The following LRRC36 variants were observed in gnomAD, a reference collection of about 807,000 sequenced individuals.
LRRC36 encodes leucine-rich repeat-containing protein 36.
LRRC36 carries 62 observed loss-of-function variants against 81.1 expected under a neutral mutation model. The observed-to-expected ratio is 0.76, with a 90% CI of 0.62 to 0.94. The LOEUF (loss-of-function observed/expected upper bound fraction) is 0.94. LRRC36 is among the 40% of genes least tolerant of loss of function. The pLI is 0.00. For synonymous variants in LRRC36, 334 were observed against 348.6 expected, an observed-to-expected ratio of 0.96 and a Z score of 0.47; for missense variants, 761 against 881.7, an observed-to-expected ratio of 0.86 and a Z score of 1.73.
chr16:67,334,746 A>G (rs2037676775), intron 1 of LRRC36, among the ~76,000 whole-genome samples: 1 of 152,064 alleles, frequency 6.6e-6, no homozygotes, highest in South Asian at 2.1e-4. Context: ...CACCCCCGAT[A>G]TTTCACGTAG....
intron 5 of LRRC36, among the ~76,000 whole-genome samples, chr16:67,362,478 T>C (rs2039199180): frequency 6.6e-6 from 1 of 152,056 alleles, no homozygotes; most frequent in Non-Finnish European, 1.5e-5. Flanking sequence ...TGAATATATA[T>C]ACAGAGCCTA....
At chr16:67,362,153 G>A (rs561274647) in intron 5 of LRRC36, 12 of 450,844 alleles carry the variant, frequency 2.7e-5, no homozygotes, top group African/African-American at 4.0e-5. Context: ...GTTCTAATAC[G>A]TTTTGTTTTG....
At chr16:67,346,723 G>A (rs1168444208) in intron 3 of LRRC36, among the ~76,000 whole-genome samples, 1 of 152,138 alleles carries the variant, frequency 6.6e-6, no homozygotes, top group Non-Finnish European at 1.5e-5. Flanking sequence ...TTTCCAGGTT[G>A]AGAATTATTT....
intron 1 of LRRC36, among the ~76,000 whole-genome samples, chr16:67,335,734 C>CTT (rs912010681): frequency 6.4e-5 from 9 of 141,472 alleles, no homozygotes; most frequent in Non-Finnish European, 1.1e-4. Flanking sequence ...AACCACTGAT[C>CTT]TTTTTTTTTT....
intron 5 of LRRC36, among the ~76,000 whole-genome samples, chr16:67,356,416 A>T (rs2038905194): frequency 6.6e-6 from 1 of 152,220 alleles, no homozygotes; most frequent in South Asian, 2.1e-4. Flanking sequence ...TATCTCTCTT[A>T]TAGAAATCCA....
At chr16:67,331,974 G>A (rs1444010620) in intron 1 of LRRC36, among the ~76,000 whole-genome samples, 1 of 150,858 alleles carries the variant, frequency 6.6e-6, no homozygotes, top group Non-Finnish European at 1.5e-5. Context: ...GGCAAAGAGA[G>A]CGAAACTCCA....
At chr16:67,343,681 T>G (rs1202219022) in intron 2 of LRRC36, among the ~76,000 whole-genome samples, 8 of 141,606 alleles carry the variant, frequency 5.6e-5, no homozygotes, top group Admixed American at 4.3e-4. Context: ...GGCAAAAGAG[T>G]GAGACCATCT....
Position 67,363,717 on chromosome 16 carries a change from A to T in LRRC36, c.702+3A>T. The stretch of plus-strand genomic sequence containing the variant: ...ACACCTTCCCACTGGGGACACAGGT[A>T]ATGTATTCACTCTCCTGCTGATCTG... On this transcript the variant is annotated splice_donor_region_variant and intron_variant, in intron 6 of 13. Transcript: ENST00000329956. 1 of 1,613,488 alleles carries T rather than the reference A, an allele frequency of 6.2e-7. No individual in the cohort carries two copies.
chr16:67,360,776 C>A (rs564897511), intron 5 of LRRC36, among the ~76,000 whole-genome samples: 1 of 152,328 alleles, frequency 6.6e-6, no homozygotes, highest in African/African-American at 2.4e-5. Flanking sequence ...TGTCTACTCT[C>A]AGTTGCACTG....
At chr16:67,343,989 G>A (rs564669026) in intron 2 of LRRC36, among the ~76,000 whole-genome samples, 2 of 151,762 alleles carry the variant, frequency 1.3e-5, no homozygotes, top group Non-Finnish European at 2.9e-5. Flanking sequence ...GCTAATTTTT[G>A]TATTTTTAGT....
At chr16:67,368,821 G>T (rs1298947904) in intron 8 of LRRC36, among the ~76,000 whole-genome samples, 1 of 152,204 alleles carries the variant, frequency 6.6e-6, no homozygotes, top group Non-Finnish European at 1.5e-5. Context: ...GAAGTAGTCA[G>T]ATTCTGAATA....
chr16:67,337,420 T>C (rs150172101), intron 1 of LRRC36, among the ~76,000 whole-genome samples: 5,031 of 151,010 alleles, frequency 0.033, 133 homozygotes, highest in South Asian at 0.068. Flanking sequence ...CAGGCTGGAG[T>C]GCAATGGTGC....
At position 67,384,904 on chromosome 16, in the gene LRRC36, C is replaced by T. The variant is rs750213154; in HGVS notation, c.2080C>T (p.Gln694Ter). ...GGTAACTAATGAGTATCTGCTGCAGCAGCTGAATAAGGAGCCAAAAGGTTA... is the reference window on the plus strand; with the variant it reads ...GGTAACTAATGAGTATCTGCTGCAGTAGCTGAATAAGGAGCCAAAAGGTTA... ...LVVTNEYLLQQLNKEPKGYSG... is the reference protein window; with the variant it reads ...LVVTNEYLLQ Residue 694 changes from glutamine to a stop codon, truncating the protein, a stop_gained, in exon 14 of 14, where the codon CAG becomes TAG. Coordinates refer to ENST00000329956, the MANE Select transcript of LRRC36 (RefSeq NM_018296.6). LOFTEE classifies it high-confidence loss of function. The T allele has an allele frequency of 5.0e-6, 8 of 1,614,074 alleles. No individual in the cohort carries two copies. The African/African-American group carries it at 1.1e-4, about 22-fold the overall frequency.
chr16:67,359,113 C>G (rs1293493420), intron 5 of LRRC36, among the ~76,000 whole-genome samples: 1 of 152,178 alleles, frequency 6.6e-6, no homozygotes, highest in Non-Finnish European at 1.5e-5. Flanking sequence ...AACAGTCTGG[C>G]AGTTCCTCAA....
intron 1 of LRRC36, 146 bp downstream of exon 1, chr16:67,327,078 T>G: frequency 1.4e-6 from 1 of 729,234 alleles, no homozygotes; most frequent in Non-Finnish European, 2.1e-6. Flanking sequence ...GGGGGATAAC[T>G]TGAGGCAGAA....
chr16:67,366,759 A>AAT (rs1567492410), intron 7 of LRRC36, among the ~76,000 whole-genome samples: 3 of 151,998 alleles, frequency 2.0e-5, no homozygotes, highest in Non-Finnish European at 4.4e-5. Flanking sequence ...CAAAAAAAAA[A>AAT]AAGAAACAGA....
At chr16:67,375,137 T>C (rs989183937) in intron 9 of LRRC36, 110 bp from the exon 10 acceptor site, 2 of 1,275,238 alleles carry the variant, frequency 1.6e-6, no homozygotes, top group African/African-American at 3.1e-5. Context: ...CAAAAAAAAA[T>C]TAAAAAAAAA....
chr16:67,372,095 C>T (rs1246076293), intron 9 of LRRC36: 3 of 151,976 alleles, frequency 2.0e-5, no homozygotes, highest in South Asian at 2.1e-4. Context: ...CGGTGGCTTA[C>T]ATCTGTAATT....
At chr16:67,373,424 T>C (rs2039743739) in intron 9 of LRRC36, among the ~76,000 whole-genome samples, 1 of 151,366 alleles carries the variant, frequency 6.6e-6, no homozygotes, top group Non-Finnish European at 1.5e-5. Context: ...AAGCCGGGCA[T>C]GGACCGGGCA....
Sources: allele counts gnomAD v4.1 joint callset (sites outside exome capture counted in the v4.1 genomes callset), GRCh38; gene constraint gnomAD v4.1.1; transcripts MANE v1.5; gene names NCBI Gene and HGNC (gene_info 2026-07-23, HGNC 2026-07-21).